MAP4: variants seen among roughly 807,000 people sequenced by gnomAD.
MAP4 encodes the protein microtubule-associated protein 4.
Under a neutral mutation model 170.2 loss-of-function variants are expected in MAP4, and 76 were observed. That is an observed-to-expected ratio of 0.45 (90% CI 0.37 to 0.54). MAP4 has a LOEUF of 0.54. Ranked by LOEUF, MAP4 falls within the 20% of genes least tolerant of loss-of-function variation. The pLI, the probability that MAP4 is intolerant of heterozygous loss-of-function variation, is 0.00. For synonymous variants in MAP4, 909 were observed against 994.5 expected, an observed-to-expected ratio of 0.91 and a Z score of 1.62; for missense variants, 2,506 against 2,748.0, an observed-to-expected ratio of 0.91 and a Z score of 1.97.
intron 3 of MAP4, among the ~76,000 whole-genome samples, chr3:47,961,303 A>G (rs1578369248): frequency 6.6e-6 from 1 of 152,186 alleles, no homozygotes; most frequent in East Asian, 1.9e-4. Flanking sequence ...GGAGTTTGAG[A>G]CTAGCCTGGG....
At chr3:47,929,114 G>A (rs956056588) in intron 3 of MAP4, among the ~76,000 whole-genome samples, 3 of 152,136 alleles carry the variant, frequency 2.0e-5, no homozygotes, top group African/African-American at 4.8e-5. Flanking sequence ...AACACTTTGG[G>A]AGGCTGAGGC....
intron 1 of MAP4, among the ~76,000 whole-genome samples, chr3:48,075,253 G>A (rs543470417): frequency 1.4e-4 from 21 of 152,238 alleles, no homozygotes; most frequent in African/African-American, 5.1e-4. Flanking sequence ...GGCCGGGCAC[G>A]GTGGCTCACA....
chr3:48,073,914 C>G (rs2100142309), intron 1 of MAP4, among the ~76,000 whole-genome samples: 1 of 152,102 alleles, frequency 6.6e-6, no homozygotes, highest in Non-Finnish European at 1.5e-5. Flanking sequence ...CCTCAAGGAT[C>G]TAGAACTAGA....
Position 47,928,303 on chromosome 3 carries a change from G to T in MAP4, c.340C>A (p.Pro114Thr), listed in dbSNP as rs777283027. The T allele has an allele frequency of 1.4e-5, 22 of 1,613,920 alleles. 1 individual carries two copies. The highest frequency in any genetic ancestry group is 5.9e-6 in the Non-Finnish European group (7 of 1,179,964). Reference sequence around the variant, plus strand: ...TCTTCTGGCCAGTTCTGGCTATTTGGGTATTCCTGGTAGGCCATTTTCTCT... The same window carrying T: ...TCTTCTGGCCAGTTCTGGCTATTTGTGTATTCCTGGTAGGCCATTTTCTCT... ...LEEKMAYQEYPNSQNWPEDTN... is the reference protein window; with the variant it reads ...LEEKMAYQEYTNSQNWPEDTN... The change falls in exon 4 of 21, where the codon CCA (proline) becomes ACA (threonine). Residue 114 changes from proline to threonine, a missense_variant. Physicochemically the swap from Pro to Thr is conservative, Grantham distance 38 (BLOSUM62 -1). This residue lies in a region of MAP4 where 2,008 missense variants were observed against 2,206.0 expected (regional missense o/e 0.91). Coordinates refer to ENST00000683076, the MANE Select transcript of MAP4 (RefSeq NM_001385682.1).
intron 10 of MAP4, among the ~76,000 whole-genome samples, chr3:47,895,638 T>C (rs565047683): frequency 6.6e-6 from 1 of 152,344 alleles, no homozygotes; most frequent in East Asian, 1.9e-4. Context: ...AGCCAAATTA[T>C]TTTTAGTTCT....
At chr3:48,081,042 T>G (rs2100146403) in intron 1 of MAP4, among the ~76,000 whole-genome samples, 1 of 152,156 alleles carries the variant, frequency 6.6e-6, no homozygotes, top group Admixed American at 6.6e-5. Flanking sequence ...GAGAATGGCG[T>G]GAACCCGGGA....
At chr3:47,871,387 C>A in intron 13 of MAP4, 101 bp from the exon 14 acceptor site, 1 of 988,520 alleles carries the variant, frequency 1.0e-6, no homozygotes, top group South Asian at 1.3e-5. Flanking sequence ...TACTGAATAT[C>A]TACTTTGAGC....
intron 1 of MAP4, among the ~76,000 whole-genome samples, chr3:48,026,372 T>C (rs1435094584): frequency 3.3e-5 from 5 of 152,314 alleles, no homozygotes; most frequent in South Asian, 2.1e-4. Flanking sequence ...CTTTTAAAAA[T>C]TGGCAATCTA....
At chr3:47,902,534 C>T (rs138474748) in intron 10 of MAP4, among the ~76,000 whole-genome samples, 148 of 151,672 alleles carry the variant, frequency 9.8e-4, no homozygotes, top group African/African-American at 3.3e-3. Flanking sequence ...ATTAGCCGGG[C>T]GTGGTGACAC....
chr3:48,021,881 T>G (rs2100110737), intron 1 of MAP4, among the ~76,000 whole-genome samples: 2 of 152,328 alleles, frequency 1.3e-5, no homozygotes, highest in Middle Eastern at 3.4e-3. Flanking sequence ...GGCAATGTCA[T>G]ATGTTTGAAA....
Position 47,852,671 on chromosome 3 carries a change from G to A in MAP4, c.*263C>T. 7.5e-7 allele frequency: 1 copy of A among 1,338,056 alleles called. No individual in the cohort carries two copies. The highest frequency in any genetic ancestry group is 1.0e-6 in the Non-Finnish European group (1 of 999,260). 82.9% of individuals were successfully genotyped at this position (1,338,056 alleles called of 1,614,324 possible). ...TGGGGCAAGACCAAAGCAGGGAGATGGGCCCAGGCTGGGGAGTGAGAGGAG... is the reference window on the plus strand; with the variant it reads ...TGGGGCAAGACCAAAGCAGGGAGATAGGCCCAGGCTGGGGAGTGAGAGGAG... On this transcript the variant is annotated 3_prime_UTR_variant, in exon 21 of 21. Coordinates refer to ENST00000683076, the MANE Select transcript of MAP4 (RefSeq NM_001385682.1).
At chr3:47,894,176 G>A (rs964414719) in intron 10 of MAP4, among the ~76,000 whole-genome samples, 1 of 152,100 alleles carries the variant, frequency 6.6e-6, no homozygotes, top group Non-Finnish European at 1.5e-5. Flanking sequence ...CAGATTAACT[G>A]GCAAGGAACC....
intron 1 of MAP4, among the ~76,000 whole-genome samples, chr3:48,053,098 G>T (rs1333969449): frequency 6.6e-6 from 1 of 152,096 alleles, no homozygotes. Context: ...CTGGTTTTGA[G>T]TTATACTGCA....
chr3:48,011,552 CAAA>C (rs763200781), intron 1 of MAP4, among the ~76,000 whole-genome samples: 3 of 109,144 alleles, frequency 2.7e-5, no homozygotes, highest in Non-Finnish European at 1.9e-5. Context: ...GACTCCGTCT[CAAA>C]AAAAAAAAAA....
chr3:47,857,561 A>G, intron 17 of MAP4, 49 bp from the exon 18 acceptor site: 2 of 1,264,330 alleles, frequency 1.6e-6, no homozygotes, highest in Non-Finnish European at 2.3e-6. Flanking sequence ...GTATACTGTC[A>G]GAGCCAACCC....
intron 17 of MAP4, among the ~76,000 whole-genome samples, chr3:47,858,383 G>A (rs1444590735): frequency 1.3e-5 from 2 of 152,028 alleles, no homozygotes; most frequent in Non-Finnish European, 2.9e-5. Flanking sequence ...AGGTCTTTCT[G>A]TGCAGACCCT....
intron 3 of MAP4, among the ~76,000 whole-genome samples, chr3:47,966,491 C>T (rs2100075128): frequency 1.3e-5 from 2 of 151,894 alleles, no homozygotes; most frequent in South Asian, 2.1e-4. Context: ...TCATGATCTG[C>T]CCTCCTGGGA....
intron 1 of MAP4, among the ~76,000 whole-genome samples, chr3:48,005,867 T>C (rs1157873372): frequency 3.9e-5 from 6 of 152,118 alleles, no homozygotes; most frequent in Non-Finnish European, 8.8e-5. Context: ...AATTACAAAA[T>C]TGAAATACGA....
At chr3:48,023,953 T>C (rs946241712) in intron 1 of MAP4, among the ~76,000 whole-genome samples, 1 of 152,140 alleles carries the variant, frequency 6.6e-6, no homozygotes, top group African/African-American at 2.4e-5. Flanking sequence ...TGGAAGTAAA[T>C]TCAGAGTAAC....
Sources: allele counts gnomAD v4.1 joint callset (sites outside exome capture counted in the v4.1 genomes callset), GRCh38; gene constraint gnomAD v4.1.1; regional missense constraint gnomAD v4.1.1; transcripts MANE v1.5; gene names NCBI Gene and HGNC (gene_info 2026-07-23, HGNC 2026-07-21).